SLC9C1: variants seen among roughly 807,000 people sequenced by gnomAD.
SLC9C1 encodes the protein sodium/hydrogen exchanger 10.
In SLC9C1, 97 loss-of-function variants were observed where a neutral mutation model predicts 140.9. The observed-to-expected ratio is 0.69, with a 90% CI of 0.58 to 0.82. SLC9C1 has a LOEUF of 0.82. SLC9C1 is among the 40% of genes least tolerant of loss of function. The probability of loss-of-function intolerance (pLI) is 0.00; values close to 1 mark genes in which losing one functional copy is unlikely to be tolerated. For missense variants in SLC9C1, 1,340 were observed against 1,389.3 expected (o/e 0.96, Z 0.56); for synonymous variants, 440 against 442.6 (o/e 0.99, Z 0.07).
At chr3:112,268,428 A>G (rs1488650589) in intron 7 of SLC9C1, among the ~76,000 whole-genome samples, 2 of 152,166 alleles carry the variant, frequency 1.3e-5, no homozygotes, top group Non-Finnish European at 2.9e-5. Context: ...TTCAAATTTT[A>G]TATTTCTTAA....
At chr3:112,286,395 A>G (rs1355693516) in intron 2 of SLC9C1, among the ~76,000 whole-genome samples, 2 of 152,208 alleles carry the variant, frequency 1.3e-5, no homozygotes. Context: ...ACCCTGCCCC[A>G]ACCCTTGATT....
chr3:112,212,110 C>T (rs1427174577), intron 15 of SLC9C1, among the ~76,000 whole-genome samples: 1 of 152,210 alleles, frequency 6.6e-6, no homozygotes, highest in Non-Finnish European at 1.5e-5. Context: ...TGGAGTGGAC[C>T]TCCAGCAAAC....
chr3:112,210,903 CA>C (rs2078184615), intron 15 of SLC9C1, among the ~76,000 whole-genome samples: 1 of 151,888 alleles, frequency 6.6e-6, no homozygotes, highest in South Asian at 2.1e-4. Context: ...TAAAAGGATG[CA>C]GCTAAGGTTT....
At chr3:112,259,038 C>G (rs2079693503) in intron 10 of SLC9C1, among the ~76,000 whole-genome samples, 1 of 151,974 alleles carries the variant, frequency 6.6e-6, no homozygotes, top group African/African-American at 2.4e-5. Flanking sequence ...AGGTCCCTCC[C>G]CTAACATTGG....
intron 10 of SLC9C1, among the ~76,000 whole-genome samples, chr3:112,249,720 G>A (rs887795909): frequency 2.0e-5 from 3 of 152,010 alleles, no homozygotes; most frequent in African/African-American, 7.2e-5. Flanking sequence ...TTTCTAGTTT[G>A]TGTGCAGAGG....
At position 112,216,451 on chromosome 3, in the gene SLC9C1, T is replaced by C. The variant is rs1466338588; in HGVS notation, c.1790+991A>G. On this transcript the variant is annotated intron_variant, in intron 15 of 28. Transcript: ENST00000305815. ...AGAATGGGAGAAAATTTTTGCAATA[T>C]ACCCATCTGACAAAGGGCTAATATC... Among the ~76,000 whole-genome samples the C allele has an allele frequency of 3.5e-4, 53 of 151,958 alleles. 1 individual carries two copies. The highest frequency in any genetic ancestry group is 3.5e-3 in the Admixed American group (53 of 15,254).
intron 23 of SLC9C1, among the ~76,000 whole-genome samples, chr3:112,177,740 A>G (rs1017531070): frequency 6.0e-5 from 9 of 149,924 alleles, no homozygotes; most frequent in African/African-American, 2.2e-4. Context: ...AAAAAAAATT[A>G]AATAGAAAAA....
At chr3:112,282,671 A>T (rs1032993255) in intron 2 of SLC9C1, among the ~76,000 whole-genome samples, 15 of 152,220 alleles carry the variant, frequency 9.9e-5, no homozygotes, top group African/African-American at 2.4e-5. Flanking sequence ...TAATGAAAAA[A>T]AAAAACTGCA....
chr3:112,158,980 CATT>C (rs1028715065), intron 26 of SLC9C1, among the ~76,000 whole-genome samples: 1 of 151,380 alleles, frequency 6.6e-6, no homozygotes, highest in South Asian at 2.1e-4. Context: ...CTTTTAAAAT[CATT>C]ATTATTTCCA....
intron 16 of SLC9C1, among the ~76,000 whole-genome samples, chr3:112,207,655 A>G (rs1435320055): frequency 6.6e-6 from 1 of 152,018 alleles, no homozygotes; most frequent in Admixed American, 6.6e-5. Context: ...CTTGTTGTTT[A>G]TTATGCAATG....
At position 112,259,022 on chromosome 3, in the gene SLC9C1, G is replaced by C. The variant is rs2079692851; in HGVS notation, c.1197+3902C>G. On this transcript the variant is annotated intron_variant, in intron 10 of 28. Transcript: ENST00000305815. Reference sequence around the variant, plus strand: ...GGGGGAAATCCACCCCCATGATCCAGTCACGAGGTCCCTCCCCTAACATTG... The same window carrying C: ...GGGGGAAATCCACCCCCATGATCCACTCACGAGGTCCCTCCCCTAACATTG... 3.9e-5 allele frequency among the ~76,000 whole-genome samples: 6 copies of C among 152,092 alleles called. No homozygotes were observed. In the South Asian group the frequency reaches 1.2e-3, roughly 32 times the overall value.
At chr3:112,210,864 A>T (rs2078182638) in intron 15 of SLC9C1, among the ~76,000 whole-genome samples, 1 of 152,074 alleles carries the variant, frequency 6.6e-6, no homozygotes, top group South Asian at 2.1e-4. Context: ...CAGGAAAAAA[A>T]CCCTTTATTT....
intron 24 of SLC9C1, 59 bp from the exon 25 acceptor site, chr3:112,169,121 A>G: frequency 6.3e-7 from 1 of 1,575,692 alleles, no homozygotes; most frequent in Non-Finnish European, 8.6e-7. Flanking sequence ...GTATATATTC[A>G]TAAATAGTCA....
intron 26 of SLC9C1, among the ~76,000 whole-genome samples, chr3:112,159,220 T>C (rs1375411301): frequency 6.6e-6 from 1 of 151,890 alleles, no homozygotes; most frequent in African/African-American, 2.4e-5. Context: ...TTTCAATAAA[T>C]TAAAAAAAAT....
intron 17 of SLC9C1, among the ~76,000 whole-genome samples, chr3:112,202,977 C>T (rs1217451506): frequency 6.6e-6 from 1 of 152,016 alleles, no homozygotes; most frequent in Non-Finnish European, 1.5e-5. Flanking sequence ...AACCTCCATA[C>T]TCTACCCTGC....
chr3:112,221,069 G>T, intron 14 of SLC9C1, 59 bp downstream of exon 14: 2 of 1,397,276 alleles, frequency 1.4e-6, no homozygotes, highest in East Asian at 2.3e-5. Flanking sequence ...AAACTCACTT[G>T]GGTAATTTCC....
intron 15 of SLC9C1, among the ~76,000 whole-genome samples, chr3:112,210,667 AAG>A (rs2078176846): frequency 6.6e-6 from 1 of 152,226 alleles, no homozygotes; most frequent in Non-Finnish European, 1.5e-5. Flanking sequence ...CTCAATTAAA[AAG>A]AGAATACTAT....
chr3:112,237,507 A>G (rs549954643), intron 12 of SLC9C1, among the ~76,000 whole-genome samples: 101 of 152,250 alleles, frequency 6.6e-4, no homozygotes, highest in African/African-American at 2.3e-3. Flanking sequence ...TTATGATGTT[A>G]GCTGGTTATT....
At chr3:112,172,861 G>A (rs938050155) in intron 23 of SLC9C1, among the ~76,000 whole-genome samples, 11 of 151,698 alleles carry the variant, frequency 7.3e-5, no homozygotes, top group East Asian at 1.9e-4. Flanking sequence ...TTCAAATGTC[G>A]AATCAATCTT....
Sources: gnomAD v4.1 joint callset for allele counts (sites outside exome capture counted in the v4.1 genomes callset) on GRCh38, gnomAD v4.1.1 for gene constraint, MANE v1.5 for transcripts, NCBI Gene and HGNC (gene_info 2026-07-23, HGNC 2026-07-21) for gene names.